Variants in TTC16 observed in about 807,000 individuals in gnomAD.
The protein encoded by TTC16 is tetratricopeptide repeat protein 16.
TTC16 carries 66 observed loss-of-function variants against 80.4 expected under a neutral mutation model. That is an observed-to-expected ratio of 0.82 (90% CI 0.67 to 1.01). TTC16 has a LOEUF of 1.01. Among genes scored for constraint, TTC16 ranks in the 50% least tolerant of loss-of-function variants. TTC16 has a pLI of 0.00. For synonymous variants in TTC16, 438 were observed against 451.3 expected (o/e 0.97, Z 0.37); for missense variants, 1,070 against 1,103.2 (o/e 0.97, Z 0.43).
At chr9:127,721,121 G>A (rs1055676200) in intron 6 of TTC16, among the ~76,000 whole-genome samples, 3 of 151,726 alleles carry the variant, frequency 2.0e-5, no homozygotes, top group African/African-American at 7.3e-5. Context: ...GGAGGTGGAG[G>A]GGGTGCTGGG....
intron 8 of TTC16, 106 bp downstream of exon 8, chr9:127,724,470 A>AGAGGAAGGAAGC: frequency 7.1e-7 from 1 of 1,410,910 alleles, no homozygotes; most frequent in Non-Finnish European, 9.6e-7. Context: ...AGGAAGGGAG[A>AGAGGAAGGAAGC]GAGGAAGGAA....
chr9:127,724,031 C>A, intron 7 of TTC16, 89 bp from the exon 8 acceptor site: 2 of 1,446,928 alleles, frequency 1.4e-6, no homozygotes, highest in Non-Finnish European at 1.8e-6. Flanking sequence ...GGCCCAGAGC[C>A]GGCAGTGGCT....
rs372378110 is a variant in TTC16, at chr9:127,720,086, C to T, written c.435C>T (p.Cys145=). 21 of 1,613,558 alleles carry T rather than the reference C, an allele frequency of 1.3e-5. No homozygotes were observed. In the East Asian group the frequency reaches 2.0e-4, roughly 15 times the overall value. The change falls in exon 5 of 14, where the codon TGC becomes TGT. Residue 145 remains cysteine (C), a synonymous_variant. Coordinates refer to ENST00000373289, the MANE Select transcript of TTC16 (RefSeq NM_144965.3). The stretch of plus-strand genomic sequence containing the variant: ...GTCCCCTGTGTCCCCAGGGACAATG[C>T]CTTTTTGAGCAGTGTGCCTTCCTGG... ...LTFVLYLQGQ[C]LFEQCAFLDA...
chr9:127,727,592 G>A, intron 12 of TTC16, 127 bp downstream of exon 12: 1 of 1,435,350 alleles, frequency 7.0e-7, no homozygotes, highest in Non-Finnish European at 9.1e-7. Context: ...TCCCTCAGCT[G>A]TGTGATGGGC....
chr9:127,730,776 C>T lies in TTC16; in HGVS notation c.1993C>T (p.Leu665=). 2 of 1,613,778 alleles carry T rather than the reference C, an allele frequency of 1.2e-6. No homozygotes were observed. Among genetic ancestry groups the T allele is most frequent in the Non-Finnish European group, 1.7e-6 (2 of 1,180,038 alleles). The change falls in exon 14 of 14, where the codon CTA becomes TTA. Residue 665 remains leucine, a synonymous_variant. Transcript: ENST00000373289. ...SSDSGNNREA[L]SHGPRKIKAT... is the part of the protein sequence containing the mutation. ...GGACTCTGGGAACAACAGGGAGGCA[C>T]TAAGCCATGGTCCCAGAAAAATCAA...
chr9:127,717,382 T>C lies in TTC16; in HGVS notation c.240T>C (p.Ala80=). 6.2e-7 allele frequency: 1 copy of C among 1,613,180 alleles called. No individual in the cohort carries two copies. The highest frequency in any genetic ancestry group is 8.5e-7 in the Non-Finnish European group (1 of 1,180,028). The change falls in exon 3 of 14, where the codon GCT becomes GCC. Residue 80 remains alanine (A), a synonymous_variant. Coordinates refer to ENST00000373289, the MANE Select transcript of TTC16 (RefSeq NM_144965.3). ...QCLEQADWET[A]VLLFSRALHL... ...TGGAGCAGGCAGACTGGGAGACAGCTGTGCTGCTCTTCTCCCGCGCACTCC... is the reference window on the plus strand; with the variant it reads ...TGGAGCAGGCAGACTGGGAGACAGCCGTGCTGCTCTTCTCCCGCGCACTCC...
At chr9:127,727,951 T>C (rs1166229391) in intron 12 of TTC16, 2 of 153,354 alleles carry the variant, frequency 1.3e-5, no homozygotes, top group Non-Finnish European at 1.5e-5. Context: ...AGTATTTTTG[T>C]TGGGCTTAAG....
At chr9:127,727,249 C>CT (rs1844053215) in intron 11 of TTC16, 21 bp from the exon 12 acceptor site, 1 of 1,543,574 alleles carries the variant, frequency 6.5e-7, no homozygotes, top group Non-Finnish European at 8.7e-7. Context: ...CTGACAATAC[C>CT]TGGGGGGTAT....
Position 127,717,788 on chromosome 9 carries a change from C to A in TTC16, c.426+16C>A. ...CTACCTACAGGTGCCTGGGGCCTCC[C>A]GGGCCCATGCAGGGCACCCACCTCA... On this transcript the variant is annotated intron_variant, in intron 4 of 13. Transcript: ENST00000373289. The A allele has an allele frequency of 6.2e-7, 1 of 1,607,278 alleles. No homozygotes were observed. Among genetic ancestry groups the A allele is most frequent in the Non-Finnish European group, 8.5e-7 (1 of 1,177,462 alleles).
At position 127,724,379 on chromosome 9, in the gene TTC16, G is replaced by A; in HGVS notation, c.1117+15G>A. On this transcript the variant is annotated intron_variant, in intron 8 of 13. Transcript: ENST00000373289. Reference sequence around the variant, plus strand: ...CAACCGAGGCGGTGCGCAGCGACCAGGGCACTGGGGAGGGGGGGTGCGGGG... The same window carrying A: ...CAACCGAGGCGGTGCGCAGCGACCAAGGCACTGGGGAGGGGGGGTGCGGGG... The A allele has an allele frequency of 1.2e-6, 2 of 1,611,242 alleles. No homozygotes were observed. The highest frequency in any genetic ancestry group is 2.2e-5 in the East Asian group (1 of 44,848).
In TTC16 at chr9:127,730,683, G is replaced by A. The variant is rs767892661; in HGVS notation, c.1900G>A (p.Glu634Lys). 4 of 1,613,210 alleles carry A rather than the reference G, an allele frequency of 2.5e-6. No individual in the cohort carries two copies. Among genetic ancestry groups the A allele is most frequent in the Middle Eastern group, 1.6e-4 (1 of 6,062 alleles). Residue 634 changes from glutamate to lysine, a missense_variant, in exon 14 of 14, where the codon GAA becomes AAA. Glu to Lys is a moderately conservative substitution (Grantham distance 56). Transcript: ENST00000373289. ...SETEMSAICQ[E>K]YRSTSATAVT... Reference sequence around the variant, plus strand: ...GACTGAGATGTCGGCTATCTGCCAGGAATACAGGAGCACCTCAGCCACCGC... The same window carrying A: ...GACTGAGATGTCGGCTATCTGCCAGAAATACAGGAGCACCTCAGCCACCGC...
chr9:127,716,138 G>T lies in TTC16; in HGVS notation c.-8G>T. 6.2e-7 allele frequency: 1 copy of T among 1,614,016 alleles called. No individual in the cohort carries two copies. The highest frequency in any genetic ancestry group is 8.5e-7 in the Non-Finnish European group (1 of 1,180,012). On this transcript the variant is annotated 5_prime_UTR_variant, in exon 1 of 14. In the 5' UTR this introduces an upstream ATG that the reference lacks. Transcript: ENST00000373289. ...CAGAGGCCTCGGGGTCCTCCTGGAA[G>T]GGGCCTCATGACAGATTCGGACGAG... is the stretch of plus-strand genomic sequence containing the variant.
chr9:127,719,037 C>T (rs994415906), intron 4 of TTC16, among the ~76,000 whole-genome samples: 15 of 151,784 alleles, frequency 9.9e-5, no homozygotes, highest in Non-Finnish European at 1.6e-4. Flanking sequence ...ATGGTGAAAC[C>T]TCATCTCTAC....
At chr9:127,720,032 C>T in intron 4 of TTC16, 46 bp from the exon 5 acceptor site, 6 of 1,576,076 alleles carry the variant, frequency 3.8e-6, no homozygotes, top group Non-Finnish European at 5.2e-6. Context: ...GGGGGTGCAG[C>T]TGGGCTGGGG....
At chr9:127,720,811 CTTCTTTCTTCCCTCCTGCCTTCCCTCCT>C (rs1843394206) in intron 6 of TTC16, among the ~76,000 whole-genome samples, 1 of 135,146 alleles carries the variant, frequency 7.4e-6, no homozygotes, top group Non-Finnish European at 1.6e-5. Context: ...TTCCTCCCTC[CTTCTTTCTTCCCTCCTGCCTTCCCTCCT>C]CCCTTCCTCC....
At chr9:127,729,543 C>T in intron 12 of TTC16, 38 bp from the exon 13 acceptor site, 3 of 1,582,384 alleles carry the variant, frequency 1.9e-6, no homozygotes, top group Non-Finnish European at 2.6e-6. Flanking sequence ...GCACGGGCCT[C>T]CTACCATCTG....
In TTC16 at chr9:127,720,054, A is replaced by T. The variant is rs1007358962; in HGVS notation, c.427-24A>T. On this transcript the variant is annotated intron_variant, in intron 4 of 13. Transcript: ENST00000373289. Reference sequence around the variant, plus strand: ...CAGCTGGGCTGGGGTGGCAAGCAGAATTGACTGTCCCCTGTGTCCCCAGGG... The same window carrying T: ...CAGCTGGGCTGGGGTGGCAAGCAGATTTGACTGTCCCCTGTGTCCCCAGGG... 13 of 1,611,472 alleles carry T rather than the reference A, an allele frequency of 8.1e-6. No individual in the cohort carries two copies. The African/African-American group carries it at 1.7e-4, about 22-fold the overall frequency.
In TTC16 at chr9:127,727,295, C is replaced by T. The variant is rs139676532; in HGVS notation, c.1594C>T (p.Arg532Cys). 1.5e-4 allele frequency: 237 copies of T among 1,572,240 alleles called. No individual in the cohort carries two copies. The African/African-American group carries it at 2.7e-3, about 18-fold the overall frequency. The change falls in exon 12 of 14, where the codon CGC (arginine) becomes TGC (cysteine). Residue 532 changes from arginine to cysteine, a missense_variant. By Grantham distance (180) the Arg-to-Cys change is radical. Transcript: ENST00000373289. The stretch of plus-strand genomic sequence containing the variant: ...GATGCTTAAACGGCACGAGTTGGAG[C>T]GCCAGAAGGCCTTGGCCCTGCAGCA... ...VGMLKRHELE[R>C]QKALALQHSW... is the part of the protein sequence containing the mutation.
At chr9:127,719,075 G>T (rs1843261554) in intron 4 of TTC16, among the ~76,000 whole-genome samples, 1 of 151,820 alleles carries the variant, frequency 6.6e-6, no homozygotes, top group Non-Finnish European at 1.5e-5. Flanking sequence ...GCTAGGCATG[G>T]TGGCACGTGC....
Sources: gnomAD v4.1 joint callset for allele counts (sites outside exome capture counted in the v4.1 genomes callset) on GRCh38, gnomAD v4.1.1 for gene constraint, MANE v1.5 for transcripts, NCBI Gene and HGNC (gene_info 2026-07-23, HGNC 2026-07-21) for gene names.